Variants in ZNF326 observed in about 807,000 individuals in gnomAD.
ZNF326 encodes zinc finger protein 326.
ZNF326 carries 30 observed loss-of-function variants against 63.1 expected under a neutral mutation model. The observed-to-expected ratio is 0.48, with a 90% CI of 0.36 to 0.64. ZNF326 has a LOEUF of 0.64. Among genes scored for constraint, ZNF326 ranks in the 30% least tolerant of loss-of-function variants. The pLI, the probability that ZNF326 is intolerant of heterozygous loss-of-function variation, is 0.00. For synonymous variants in ZNF326, 194 were observed against 228.2 expected (o/e 0.85, Z 1.35); for missense variants, 609 against 720.3 (o/e 0.85, Z 1.77).
chr1:90,021,920 A>G (rs1223442468), intron 10 of ZNF326, among the ~76,000 whole-genome samples: 2 of 152,184 alleles, frequency 1.3e-5, no homozygotes, highest in African/African-American at 2.4e-5. Context: ...ATGAAAAATT[A>G]TTCTTTATTT....
At position 90,018,746 on chromosome 1, in the gene ZNF326, C is replaced by T. The variant is rs368152496; in HGVS notation, c.1136C>T (p.Thr379Ile). ...CGTAAGCAACAGACAAATAATCAAA[C>T]AGAAGTAGTTAAAATAATTGAAAAA... ...SIRKQQTNNQ[T>I]EVVKIIEKDV... Residue 379 changes from threonine (T) to isoleucine (I), a missense_variant, in exon 9 of 12, where the codon ACA becomes ATA. Physicochemically the swap from Thr to Ile is moderately conservative, Grantham distance 89. This residue lies in a region of ZNF326 where 399 missense variants were observed against 444.3 expected (regional missense o/e 0.90). Coordinates refer to ENST00000340281, the MANE Select transcript of ZNF326 (RefSeq NM_182976.4). 7.0e-6 allele frequency: 11 copies of T among 1,575,540 alleles called. No homozygotes were observed. The African/African-American group carries it at 1.2e-4, about 18-fold the overall frequency.
intron 9 of ZNF326, among the ~76,000 whole-genome samples, chr1:90,019,158 A>AC (rs1649640469): frequency 6.6e-6 from 1 of 152,182 alleles, no homozygotes. Flanking sequence ...TTTACTTAAA[A>AC]AAAACAAAAC....
chr1:89,997,925 GA>G (rs1165269496), intron 1 of ZNF326, among the ~76,000 whole-genome samples, 184 bp from the exon 2 acceptor site: 1 of 152,054 alleles, frequency 6.6e-6, no homozygotes, highest in African/African-American at 2.4e-5. Context: ...AGATAGTGAA[GA>G]AAAAAGAGAT....
rs1212530022 is a variant in ZNF326 at position 90,033,830 on chromosome 1, A to C, written c.*6129A>C. 1 of 152,154 alleles carries C rather than the reference A, an allele frequency of 6.6e-6. No individual in the cohort carries two copies. Among genetic ancestry groups the C allele is most frequent in the Non-Finnish European group, 1.5e-5 (1 of 68,004 alleles). 9.4% of individuals were successfully genotyped at this position (152,154 alleles called of 1,614,324 possible). A position where few individuals can be genotyped will look rare whatever the true frequency, so the allele number is the denominator to read the frequency against. ...GAATTCACCATTGAATACCCTGCAT[A>C]TATCACAGTGCCAGGTAAATACTAT... On this transcript the variant is annotated 3_prime_UTR_variant, in exon 12 of 12. Transcript: ENST00000340281.
intron 2 of ZNF326, 96 bp downstream of exon 2, chr1:89,998,250 C>T: frequency 2.7e-6 from 3 of 1,110,442 alleles, no homozygotes; most frequent in Non-Finnish European, 4.0e-6. Flanking sequence ...TGTTTTGGTT[C>T]TTGATATATC....
At chr1:90,013,066 A>G in intron 6 of ZNF326, 60 bp from the exon 7 acceptor site, 9 of 1,426,368 alleles carry the variant, frequency 6.3e-6, no homozygotes, top group Non-Finnish European at 8.6e-6. Flanking sequence ...CGAACTGATG[A>G]TTGGAAAGAG....
chr1:90,023,613 A>T (rs907457196), intron 11 of ZNF326, among the ~76,000 whole-genome samples: 4 of 152,260 alleles, frequency 2.6e-5, no homozygotes, highest in Non-Finnish European at 5.9e-5. Flanking sequence ...GAGGTATGGC[A>T]TCAAAAAGAA....
chr1:89,998,474 T>G (rs754839537), intron 2 of ZNF326, among the ~76,000 whole-genome samples: 4 of 152,150 alleles, frequency 2.6e-5, no homozygotes, highest in Admixed American at 6.5e-5. Flanking sequence ...ATTAGAGGCT[T>G]TGGTATTGAG....
chr1:90,015,662 A>G (rs1018118917), intron 7 of ZNF326, among the ~76,000 whole-genome samples: 4 of 152,138 alleles, frequency 2.6e-5, no homozygotes, highest in Admixed American at 2.6e-4. Flanking sequence ...AGCCTGGGCA[A>G]CAGAGCAAGA....
In ZNF326 at chr1:90,014,208, T is replaced by C. The variant is rs114616378; in HGVS notation, c.926+971T>C. Among the ~76,000 whole-genome samples the C allele has an allele frequency of 6.7e-3, 1,014 of 152,262 alleles. 11 individuals are homozygous for C. Among genetic ancestry groups the C allele is most frequent in the African/African-American group, 0.023 (955 of 41,548 alleles). Reference sequence around the variant, plus strand: ...AAAATGTTCTGCAAGGAGATTTTTTTCCCAGGCTTAAAAGTTATAGAATAA... The same window carrying C: ...AAAATGTTCTGCAAGGAGATTTTTTCCCCAGGCTTAAAAGTTATAGAATAA... On this transcript the variant is annotated intron_variant, in intron 7 of 11. Coordinates refer to ENST00000340281, the MANE Select transcript of ZNF326 (RefSeq NM_182976.4).
intron 6 of ZNF326, among the ~76,000 whole-genome samples, chr1:90,010,742 A>G (rs1437922392): frequency 1.3e-5 from 2 of 152,162 alleles, no homozygotes; most frequent in East Asian, 3.8e-4. Context: ...GACATTATAG[A>G]CATTTTAATA....
At chr1:90,027,195 A>G (rs78829211) in intron 11 of ZNF326, among the ~76,000 whole-genome samples, 159 bp from the exon 12 acceptor site, 10,685 of 152,148 alleles carry the variant, frequency 0.07, 435 homozygotes, top group African/African-American at 0.098. Context: ...ATTGGTATGG[A>G]ATGGACAGTC....
At chr1:90,020,435 T>G (rs1373948369) in intron 9 of ZNF326, among the ~76,000 whole-genome samples, 1 of 152,114 alleles carries the variant, frequency 6.6e-6, no homozygotes, top group African/African-American at 2.4e-5. Context: ...TCCTTTCCCC[T>G]TTTCTTACTC....
chr1:90,012,074 T>C (rs1170588081), intron 6 of ZNF326, among the ~76,000 whole-genome samples: 1 of 152,152 alleles, frequency 6.6e-6, no homozygotes, highest in African/African-American at 2.4e-5. Context: ...CCTCAAGTGA[T>C]CCATCCGCCT....
chr1:90,007,430 G>C lies in ZNF326; in HGVS notation c.295G>C (p.Glu99Gln). ...ATCTGGCTATGGTTTTAATGAACCC[G>C]AACAAAGCCGCTTCGGAGGTAGTTA... Reference protein sequence around the residue: ...YRSGYGFNEPEQSRFGGSYGG... With the variant: ...YRSGYGFNEPQQSRFGGSYGG... The change falls in exon 5 of 12, where the codon GAA (glutamate) becomes CAA (glutamine). Residue 99 changes from glutamate (E) to glutamine (Q), a missense_variant. Physicochemically the swap from Glu to Gln is conservative, Grantham distance 29 (BLOSUM62 2). Around this residue, in one of 3 missense-constraint regions of ZNF326, gnomAD observed 113 missense variants for 187.4 expected, o/e 0.60. Coordinates refer to ENST00000340281, the MANE Select transcript of ZNF326 (RefSeq NM_182976.4). This position sits in a 1 kb window ranked among gnomAD's most constrained non-coding sequence, Gnocchi z 4.9. 10 of 1,614,064 alleles carry C rather than the reference G, an allele frequency of 6.2e-6. No homozygotes were observed. The highest frequency in any genetic ancestry group is 8.5e-6 in the Non-Finnish European group (10 of 1,179,994).
At chr1:90,005,479 A>G in intron 4 of ZNF326, 1 of 1,176,278 alleles carries the variant, frequency 8.5e-7, no homozygotes. Context: ...TAATAGAGTA[A>G]GATACACTTT....
In ZNF326 at chr1:90,027,210, A is replaced by G. The variant is rs1650049921; in HGVS notation, c.1402-144A>G. On this transcript the variant is annotated intron_variant, in intron 11 of 11. Coordinates refer to ENST00000340281, the MANE Select transcript of ZNF326 (RefSeq NM_182976.4). Reference sequence around the variant, plus strand: ...ATTGGTATGGAATGGACAGTCAACAAATACTTAATGAATTTGTTATAATTT... The same window carrying G: ...ATTGGTATGGAATGGACAGTCAACAGATACTTAATGAATTTGTTATAATTT... The G allele has an allele frequency of 3.3e-5, 25 of 767,348 alleles. No homozygotes were observed. The South Asian group carries it at 3.7e-4, about 11-fold the overall frequency. The allele number at this position is 767,348 out of a possible 1,614,324, so 47.5% of individuals were successfully genotyped here. A position where few individuals can be genotyped will look rare whatever the true frequency, so the allele number is the denominator to read the frequency against.
Position 90,029,315 on chromosome 1 carries a change from C to T in ZNF326, c.*1614C>T, listed in dbSNP as rs1156907597. On this transcript the variant is annotated 3_prime_UTR_variant, in exon 12 of 12. Transcript: ENST00000340281. Reference sequence around the variant, plus strand: ...TTTTTTTTGAGGTGAACTAGGTTTGCCTAGCTTTAAGCTAGCAATATCTGA... The same window carrying T: ...TTTTTTTTGAGGTGAACTAGGTTTGTCTAGCTTTAAGCTAGCAATATCTGA... 6.7e-6 allele frequency: 1 copy of T among 150,258 alleles called. No homozygotes were observed. Among genetic ancestry groups the T allele is most frequent in the East Asian group, 2.0e-4 (1 of 5,106 alleles). 9.3% of individuals were successfully genotyped at this position (150,258 alleles called of 1,614,324 possible).
Position 90,027,791 on chromosome 1 carries a change from C to T in ZNF326, c.*90C>T, listed in dbSNP as rs1370736724. 3.2e-6 allele frequency: 4 copies of T among 1,241,120 alleles called. No homozygotes were observed. Among genetic ancestry groups the T allele is most frequent in the East Asian group, 2.3e-5 (1 of 42,874 alleles). 76.9% of individuals were successfully genotyped at this position (1,241,120 alleles called of 1,614,324 possible). A position where few individuals can be genotyped will look rare whatever the true frequency, so the allele number is the denominator to read the frequency against. ...TTTAATAGCTTAAAATATGAATTAA[C>T]ACCCATGTTGCATGCATTCCACATA... is the stretch of plus-strand genomic sequence containing the variant. On this transcript the variant is annotated 3_prime_UTR_variant, in exon 12 of 12. Transcript: ENST00000340281.
Sources: allele counts gnomAD v4.1 joint callset (sites outside exome capture counted in the v4.1 genomes callset), GRCh38; gene constraint gnomAD v4.1.1; regional missense constraint gnomAD v4.1.1; non-coding constraint Gnocchi (gnomAD v3.1); transcripts MANE v1.5; gene names NCBI Gene and HGNC (gene_info 2026-07-23, HGNC 2026-07-21).